Variants in CALD1 observed in about 807,000 individuals in gnomAD.
CALD1 encodes the protein caldesmon.
CALD1 carries 33 observed loss-of-function variants against 99.9 expected under a neutral mutation model. The ratio of observed to expected loss-of-function variants is 0.33; its 90% confidence interval spans 0.25 to 0.44. The LOEUF is 0.44. Among genes scored for constraint, CALD1 ranks in the 20% least tolerant of loss-of-function variants. The pLI, the probability that CALD1 is intolerant of heterozygous loss-of-function variation, is 1.00. For missense variants in CALD1, 861 were observed against 962.1 expected (o/e 0.89, Z 1.39); for synonymous variants, 310 against 325.0 (o/e 0.95, Z 0.50).
rs139103344 is a variant in CALD1 at position 134,870,727 on chromosome 7, CCT to C, written c.71+2941_71+2942del. 7.0e-4 allele frequency among the ~76,000 whole-genome samples: 103 copies of C among 147,700 alleles called. 1 individual carries two copies. The highest frequency in any genetic ancestry group is 1.9e-3 in the South Asian group (9 of 4,686). Reference sequence around the variant, plus strand: ...CTTGCTTCCATTCATTTCCTTCCTTCCTCTCTCTCTCTCTCTCTCGCTCTTTC... The same window carrying C: ...CTTGCTTCCATTCATTTCCTTCCTTCCTCTCTCTCTCTCTCTCGCTCTTTC... On this transcript the variant is annotated intron_variant, in intron 3 of 14. Transcript: ENST00000361675.
intron 1 of CALD1, among the ~76,000 whole-genome samples, chr7:134,795,887 C>G (rs79585910): frequency 6.6e-6 from 1 of 152,214 alleles, no homozygotes; most frequent in African/African-American, 2.4e-5. Flanking sequence ...TAAGACTTGA[C>G]AGAGTCATCC....
chr7:134,911,198 CTTT>C (rs964515625), intron 3 of CALD1, among the ~76,000 whole-genome samples: 7 of 118,118 alleles, frequency 5.9e-5, no homozygotes, highest in Non-Finnish European at 5.5e-5. Context: ...TTTCCTTTTT[CTTT>C]TTTTTTTTTT....
rs1360668721 is a variant in CALD1, at chr7:134,965,395, T to C, written c.2376+9T>C. On this transcript the variant is annotated intron_variant, in intron 14 of 14. Coordinates refer to ENST00000361675, the MANE Select transcript of CALD1 (RefSeq NM_033138.4). ...TCACTTCCCCCACTAAGGTAATCTATTGGGAAGACTAGTATTTCAGAGGTT... is the reference window on the plus strand; with the variant it reads ...TCACTTCCCCCACTAAGGTAATCTACTGGGAAGACTAGTATTTCAGAGGTT... 7.7e-7 allele frequency: 1 copy of C among 1,306,578 alleles called. No homozygotes were observed. The highest frequency in any genetic ancestry group is 1.7e-5 in the Admixed American group (1 of 59,630). 80.9% of individuals were successfully genotyped at this position (1,306,578 alleles called of 1,614,324 possible).
chr7:134,741,591 T>C (rs1159719462), upstream of CALD1, among the ~76,000 whole-genome samples: 1 of 152,130 alleles, frequency 6.6e-6, no homozygotes, highest in Non-Finnish European at 1.5e-5. Context: ...GCAGAGTTAC[T>C]CCCTGTACAG....
At chr7:134,790,510 C>T (rs1287910472) in intron 1 of CALD1, among the ~76,000 whole-genome samples, 3 of 152,128 alleles carry the variant, frequency 2.0e-5, no homozygotes, top group East Asian at 1.9e-4. Context: ...AGGAGGTTTC[C>T]GTAACCAGTC....
intron 3 of CALD1, among the ~76,000 whole-genome samples, chr7:134,897,402 A>G (rs1276954681): frequency 1.3e-5 from 2 of 148,632 alleles, no homozygotes; most frequent in African/African-American, 4.9e-5. Flanking sequence ...ATATATATAT[A>G]TATTTGAAGC....
At chr7:134,725,971 C>T in the CALD1 span, among the ~76,000 whole-genome samples, 1 of 152,310 alleles carries the variant, frequency 6.6e-6, no homozygotes, top group African/African-American at 2.4e-5. Flanking sequence ...TGCTTTCAGA[C>T]TTCTGGTCTC....
intron 5 of CALD1, 132 bp downstream of exon 5, chr7:134,934,209 T>C (rs1373824559): frequency 1.4e-6 from 2 of 1,380,686 alleles, no homozygotes; most frequent in Non-Finnish European, 2.0e-6. Context: ...GTTCATTTTT[T>C]CAGGCCATAG....
intron 9 of CALD1, among the ~76,000 whole-genome samples, chr7:134,956,814 G>A (rs978783754): frequency 6.6e-6 from 1 of 152,152 alleles, no homozygotes. Flanking sequence ...AAGCAAAGAA[G>A]GTATTTGCTC....
chr7:134,782,615 A>C (rs1797149454), intron 1 of CALD1, among the ~76,000 whole-genome samples: 1 of 152,212 alleles, frequency 6.6e-6, no homozygotes, highest in Non-Finnish European at 1.5e-5. Flanking sequence ...TCATCTGTTG[A>C]GTGAAGAACG....
chr7:134,931,417 A>G (rs908301260), intron 4 of CALD1, among the ~76,000 whole-genome samples: 3 of 152,220 alleles, frequency 2.0e-5, no homozygotes, highest in Admixed American at 2.0e-4. Flanking sequence ...TTGTAGGGAC[A>G]TTTAATCCTT....
chr7:134,817,651 A>G (rs1356583266), intron 1 of CALD1, among the ~76,000 whole-genome samples: 2 of 152,174 alleles, frequency 1.3e-5, no homozygotes, highest in Admixed American at 1.3e-4. Context: ...ATCCCAACCT[A>G]TGAAGGACAG....
chr7:134,931,373 A>G (rs1805510753), intron 4 of CALD1, among the ~76,000 whole-genome samples: 2 of 152,180 alleles, frequency 1.3e-5, no homozygotes, highest in Non-Finnish European at 2.9e-5. Flanking sequence ...TGGCCCCTCT[A>G]TAGACTTCCC....
intron 14 of CALD1, among the ~76,000 whole-genome samples, chr7:134,966,772 G>T (rs542848124): frequency 1.9e-4 from 27 of 145,684 alleles, no homozygotes; most frequent in African/African-American, 6.6e-4. Context: ...GGGGAGAAAA[G>T]AACTTTCTTT....
At chr7:134,793,868 A>G (rs1797639920) in intron 1 of CALD1, among the ~76,000 whole-genome samples, 1 of 150,140 alleles carries the variant, frequency 6.7e-6, no homozygotes, top group Admixed American at 6.6e-5. Context: ...TTTTATTTCA[A>G]CCCCAAGAAG....
chr7:134,878,446 G>A (rs1467185323), intron 3 of CALD1, among the ~76,000 whole-genome samples: 1 of 152,172 alleles, frequency 6.6e-6, no homozygotes, highest in African/African-American at 2.4e-5. Context: ...GTGGGCGCCT[G>A]TAATTCCAGC....
the CALD1 span, among the ~76,000 whole-genome samples, chr7:134,711,706 G>A: frequency 3.7e-5 from 5 of 135,974 alleles, no homozygotes; most frequent in Admixed American, 2.2e-4. Context: ...GTGTGTGTGT[G>A]TGTGTGTGTG....
chr7:134,936,603 A>G (rs1309164230), intron 6 of CALD1, among the ~76,000 whole-genome samples: 4 of 152,246 alleles, frequency 2.6e-5, no homozygotes, highest in African/African-American at 9.6e-5. Context: ...CAACCCATCT[A>G]TTAAGAAAAC....
At chr7:134,846,419 A>G (rs1261179973) in intron 2 of CALD1, among the ~76,000 whole-genome samples, 1 of 152,190 alleles carries the variant, frequency 6.6e-6, no homozygotes, top group Non-Finnish European at 1.5e-5. Flanking sequence ...ATGGCCCCTG[A>G]CAGTCATTAC....
Sources: allele counts gnomAD v4.1 joint callset (sites outside exome capture counted in the v4.1 genomes callset), GRCh38; gene constraint gnomAD v4.1.1; transcripts MANE v1.5; gene names NCBI Gene and HGNC (gene_info 2026-07-23, HGNC 2026-07-21).